PRKAG3: variants seen among roughly 807,000 people sequenced by gnomAD.
PRKAG3 encodes the protein 5'-AMP-activated protein kinase subunit gamma-3.
PRKAG3 carries 39 observed loss-of-function variants against 56.5 expected under a neutral mutation model. That is an observed-to-expected ratio of 0.69 (90% confidence interval 0.53 to 0.90). The LOEUF (loss-of-function observed/expected upper bound fraction) is 0.90. Ranked by LOEUF, PRKAG3 falls within the 40% of genes least tolerant of loss-of-function variation. PRKAG3 has a pLI of 0.00. For synonymous variants in PRKAG3, 243 were observed against 250.1 expected (o/e 0.97, Z 0.27); for missense variants, 628 against 627.5 (o/e 1.00, Z -0.01).
At chr2:218,823,479 A>G in exon 13 of PRKAG3, 2 of 469,348 alleles carry the variant, frequency 4.3e-6, no homozygotes, top group Non-Finnish European at 3.8e-6. Flanking sequence ...CCATGACCTC[A>G]GCTGAAAATG....
chr2:218,823,385 A>G (rs1015985649), exon 13 of PRKAG3: 14 of 291,018 alleles, frequency 4.8e-5, no homozygotes, highest in Admixed American at 9.3e-5. Flanking sequence ...GTGAGGGAAC[A>G]AGTAAATCTT....
At chr2:218,828,581 G>T in exon 5 of PRKAG3, 1 of 1,613,594 alleles carries the variant, frequency 6.2e-7, no homozygotes. Context: ...GGCCACCAGA[G>T]CAAAGAAGGC....
intron 4 of PRKAG3, 28 bp downstream of exon 4, chr2:218,829,950 T>C (rs1943993748): frequency 1.9e-6 from 3 of 1,605,018 alleles, no homozygotes; most frequent in Non-Finnish European, 1.7e-6. Flanking sequence ...GGAGAGTGAG[T>C]ACAGGTTGGG....
intron 4 of PRKAG3, among the ~76,000 whole-genome samples, chr2:218,829,429 G>T (rs7592901): frequency 0.18 from 27,854 of 151,102 alleles, 8,399 homozygotes; most frequent in African/African-American, 0.63. Context: ...CAAGTGATTC[G>T]CCTACCTCAG....
At chr2:218,828,210 C>A in intron 5 of PRKAG3, 148 bp from the exon 6 acceptor site, 1 of 834,524 alleles carries the variant, frequency 1.2e-6, no homozygotes, top group Non-Finnish European at 1.9e-6. Context: ...GCCCCCCAGG[C>A]CTGAGAAGTG....
chr2:218,831,431 C>T, intron 1 of PRKAG3, 56 bp from the exon 2 acceptor site: 2 of 1,487,240 alleles, frequency 1.3e-6, no homozygotes, highest in Non-Finnish European at 1.8e-6. Context: ...TTCCCAAACC[C>T]CTTCTCCCTG....
rs1415468978 is a variant in PRKAG3 at position 218,827,641 on chromosome 2, G to A, written c.821-12C>T. The stretch of plus-strand genomic sequence containing the variant: ...TTGCAGGTAGATCTCTGCAGAAAGA[G>A]CCAGAGTCAGGCCAGGGGAGCCGGT... On this transcript the variant is annotated splice_polypyrimidine_tract_variant and intron_variant, in intron 7 of 12. Coordinates refer to ENST00000529249, the Ensembl canonical transcript of PRKAG3. The surrounding 1 kb of genome is among the most constrained non-coding windows in gnomAD (Gnocchi z 5.3). 3 of 1,613,946 alleles carry A rather than the reference G, an allele frequency of 1.9e-6. No homozygotes were observed. Among genetic ancestry groups the A allele is most frequent in the Admixed American group, 1.7e-5 (1 of 60,026 alleles).
rs754478772 is a variant in PRKAG3, at chr2:218,827,219, C to A, written c.1002+28G>T. 2 of 1,613,962 alleles carry A rather than the reference C, an allele frequency of 1.2e-6. No individual in the cohort carries two copies. The stretch of plus-strand genomic sequence containing the variant: ...CTCTGATCACCTGCCCAGGTCTCCC[C>A]CTTCCTCCCACCTGGGCCCAGGCTT... On this transcript the variant is annotated intron_variant, in intron 9 of 12. Coordinates refer to ENST00000529249, the Ensembl canonical transcript of PRKAG3. This position sits in a 1 kb window ranked among gnomAD's most constrained non-coding sequence, Gnocchi z 5.3.
exon 3 of PRKAG3, chr2:218,830,751 C>A: frequency 6.2e-7 from 1 of 1,612,350 alleles, no homozygotes; most frequent in Non-Finnish European, 8.5e-7. Context: ...CTCACCTTCC[C>A]CCTGACCTGG....
At chr2:218,823,316 C>A (rs1334132637), downstream of PRKAG3, 1 of 236,206 alleles carries the variant, frequency 4.2e-6, no homozygotes, top group Non-Finnish European at 8.4e-6. Flanking sequence ...TTCCATCCAA[C>A]AAATGTTGAT....
At chr2:218,828,564 C>T (rs1319688084) in exon 5 of PRKAG3, 1 of 1,613,818 alleles carries the variant, frequency 6.2e-7, no homozygotes, top group East Asian at 2.2e-5. Context: ...GCTGCCCGCA[C>T]ACCGTTGGCC....
At chr2:218,822,729 C>T (rs1943872928), downstream of PRKAG3, 2 of 268,874 alleles carry the variant, frequency 7.4e-6, no homozygotes, top group South Asian at 1.4e-4. Context: ...TTTCAGCAGC[C>T]TTGAAATGAC....
Position 218,827,577 on chromosome 2 carries a change from A to G in PRKAG3, c.873T>C (p.Asp291=), listed in dbSNP as rs560331468. 10 of 1,613,550 alleles carry G rather than the reference A, an allele frequency of 6.2e-6. 1 individual carries two copies. In the Admixed American group the frequency reaches 1.5e-4, roughly 24 times the overall value. ...GGTGAATGAGCAGAGACACCCACCT[A>G]TCATTAGGAGAGATGGAGACCAGAG... The change falls in exon 8 of 13, where the codon GAT becomes GAC. Residue 291 remains aspartate, a splice_region_variant and synonymous_variant. Transcript: ENST00000529249. This position sits in a 1 kb window ranked among gnomAD's most constrained non-coding sequence, Gnocchi z 5.3.
At chr2:218,824,618 G>A (rs1177938452) in intron 10 of PRKAG3, 42 bp from the exon 11 acceptor site, 10 of 1,560,792 alleles carry the variant, frequency 6.4e-6, no homozygotes, top group Non-Finnish European at 8.8e-6. Flanking sequence ...GAAAGACAGG[G>A]AAGAGGCTCC....
At chr2:218,823,867 C>A in exon 13 of PRKAG3, 1 of 1,614,050 alleles carries the variant, frequency 6.2e-7, no homozygotes, top group South Asian at 1.1e-5. Context: ...CCACTAGCAC[C>A]AGCCTGTGTA....
chr2:218,827,100 A>G lies in PRKAG3; in HGVS notation c.1003-7T>C, dbSNP rs759591033. 2.5e-5 allele frequency: 41 copies of G among 1,612,908 alleles called. No homozygotes were observed. The highest frequency in any genetic ancestry group is 3.4e-5 in the Non-Finnish European group (40 of 1,180,010). ...GCCGGGGCAGCAGGGAACCCTGGTT[A>G]GGATGGGGACCAGGTGGAGATCAGG... On this transcript the variant is annotated splice_polypyrimidine_tract_variant and splice_region_variant and intron_variant, in intron 9 of 12. Coordinates refer to ENST00000529249, the Ensembl canonical transcript of PRKAG3. The surrounding 1 kb of genome is among the most constrained non-coding windows in gnomAD (Gnocchi z 5.3).
chr2:218,828,699 C>T (rs1943974413), intron 4 of PRKAG3, 99 bp from the exon 5 acceptor site: 2 of 1,012,032 alleles, frequency 2.0e-6, no homozygotes, highest in Non-Finnish European at 2.9e-6. Context: ...GCTGTCCCCT[C>T]CCTGTCCCAC....
intron 10 of PRKAG3, among the ~76,000 whole-genome samples, chr2:218,826,186 T>C (rs1943930670): frequency 6.6e-6 from 1 of 152,234 alleles, no homozygotes; most frequent in Non-Finnish European, 1.5e-5. Context: ...GTAACAGTAG[T>C]TAATCTAGGC....
chr2:218,826,868 C>A, intron 10 of PRKAG3, 60 bp downstream of exon 10: 1 of 1,599,276 alleles, frequency 6.3e-7, no homozygotes, highest in South Asian at 1.1e-5. Context: ...CCCATATTCT[C>A]CCCACCAGGT....
Sources: allele counts gnomAD v4.1 joint callset (sites outside exome capture counted in the v4.1 genomes callset), GRCh38; gene constraint gnomAD v4.1.1; non-coding constraint Gnocchi (gnomAD v3.1); transcripts MANE v1.5; gene names NCBI Gene and HGNC (gene_info 2026-07-23, HGNC 2026-07-21).